Variants in FANCI observed in about 807,000 individuals in gnomAD.
FANCI encodes the protein Fanconi anemia group I protein.
Under a neutral mutation model 176.1 loss-of-function variants are expected in FANCI, and 156 were observed. That is an observed-to-expected ratio of 0.89 (90% confidence interval 0.78 to 1.01). The LOEUF (loss-of-function observed/expected upper bound fraction) is 1.01, where lower values mean the gene tolerates loss of function less well. Ranked by LOEUF, FANCI falls within the 50% of genes least tolerant of loss-of-function variation. The pLI is 0.00. For synonymous variants in FANCI, 613 were observed against 541.7 expected, an observed-to-expected ratio of 1.13 and a Z score of -1.83; for missense variants, 1,678 against 1,534.1, an observed-to-expected ratio of 1.09 and a Z score of -1.57.
At chr15:89,244,717 A>G (rs1369919699) in intron 1 of FANCI, among the ~76,000 whole-genome samples, 1 of 152,198 alleles carries the variant, frequency 6.6e-6, no homozygotes, top group Admixed American at 6.5e-5. Flanking sequence ...GGAGCTGGAC[A>G]GACTCGGGTT....
intron 34 of FANCI, among the ~76,000 whole-genome samples, chr15:89,309,346 C>G (rs1401554810): frequency 6.6e-6 from 1 of 151,782 alleles, no homozygotes; most frequent in Non-Finnish European, 1.5e-5. Context: ...ACACATTTCA[C>G]AAAATATGCT....
At chr15:89,290,968 T>G (rs538565873) in intron 19 of FANCI, among the ~76,000 whole-genome samples, 5 of 152,352 alleles carry the variant, frequency 3.3e-5, no homozygotes, top group African/African-American at 1.2e-4. Flanking sequence ...GTCAGCTATA[T>G]TGTATCTTTC....
Position 89,283,230 on chromosome 15 carries a change from C to T in FANCI, c.1678C>T (p.Gln560Ter). Reference sequence around the variant, plus strand: ...CAGCCTGTCATCCTCTCAGTGCAGTCAGTCTCTCAGTGTCAGTCAGGTAAG... The same window carrying T: ...CAGCCTGTCATCCTCTCAGTGCAGTTAGTCTCTCAGTGTCAGTCAGGTAAG... ...LGSLSSSQCS[Q>*]SLSVSQVHVD... Residue 560 changes from glutamine to a stop codon, truncating the protein, a stop_gained, in exon 17 of 38, where the codon CAG (glutamine) becomes TAG (stop). Transcript: ENST00000310775. LOFTEE classifies it high-confidence loss of function. The T allele has an allele frequency of 6.2e-7, 1 of 1,613,882 alleles. No individual in the cohort carries two copies. The highest frequency in any genetic ancestry group is 8.5e-7 in the Non-Finnish European group (1 of 1,179,752).
chr15:89,257,254 G>A (rs1170164389), intron 2 of FANCI, among the ~76,000 whole-genome samples: 1 of 152,032 alleles, frequency 6.6e-6, no homozygotes, highest in East Asian at 1.9e-4. Flanking sequence ...CCAAACTAAG[G>A]AATTTCTATT....
At chr15:89,246,582 A>T (rs1215450098) in intron 1 of FANCI, among the ~76,000 whole-genome samples, 2 of 151,996 alleles carry the variant, frequency 1.3e-5, no homozygotes, top group Non-Finnish European at 2.9e-5. Flanking sequence ...TCCCGTATGA[A>T]TGCCTTTGTT....
chr15:89,310,667 A>T (rs1402150827), intron 34 of FANCI, among the ~76,000 whole-genome samples: 1 of 152,266 alleles, frequency 6.6e-6, no homozygotes, highest in African/African-American at 2.4e-5. Context: ...TCCAGCTCTT[A>T]ACTAGAAATG....
chr15:89,279,252 G>A (rs149488156), intron 14 of FANCI, among the ~76,000 whole-genome samples: 1,527 of 152,154 alleles, frequency 0.01, 34 homozygotes, highest in African/African-American at 0.035. Context: ...CTGCCTCCTG[G>A]GTTCACGCAG....
At chr15:89,294,299 G>C (rs2151745870) in intron 23 of FANCI, among the ~76,000 whole-genome samples, 1 of 152,204 alleles carries the variant, frequency 6.6e-6, no homozygotes, top group East Asian at 1.9e-4. Flanking sequence ...AAAAAGGTAG[G>C]GGGTGCCAGG....
intron 10 of FANCI, among the ~76,000 whole-genome samples, chr15:89,269,142 A>G (rs2053099744): frequency 1.3e-5 from 2 of 152,194 alleles, no homozygotes; most frequent in Admixed American, 1.3e-4. Flanking sequence ...ACCTAGATTG[A>G]CCAATTATTA....
At chr15:89,249,825 CTAAA>C (rs1192185771) in intron 2 of FANCI, among the ~76,000 whole-genome samples, 2 of 151,956 alleles carry the variant, frequency 1.3e-5, no homozygotes, top group African/African-American at 2.4e-5. Flanking sequence ...CTGAGGATAA[CTAAA>C]TAAAGCACAG....
At chr15:89,285,279 AT>A (rs2053770335) in intron 18 of FANCI, 61 bp downstream of exon 18, 4 of 1,593,018 alleles carry the variant, frequency 2.5e-6, no homozygotes, top group Non-Finnish European at 2.6e-6. Flanking sequence ...TATTTTAGTA[AT>A]TTTTTTCCTG....
intron 1 of FANCI, chr15:89,245,162 C>CTTTTG (rs1247461358): frequency 3.4e-5 from 4 of 119,232 alleles, no homozygotes; most frequent in African/African-American, 1.7e-4. Context: ...CTGAGCTTTT[C>CTTTTG]TTTTCTTTTC....
intron 37 of FANCI, 88 bp from the exon 38 acceptor site, chr15:89,316,309 A>AAGAT (rs1444126104): frequency 4.4e-5 from 58 of 1,308,018 alleles, no homozygotes; most frequent in East Asian, 2.5e-4. Flanking sequence ...CTTTGATGAG[A>AAGAT]AGATAGAGTC....
chr15:89,257,096 C>CG (rs371848925), intron 2 of FANCI, among the ~76,000 whole-genome samples: 8 of 152,122 alleles, frequency 5.3e-5, no homozygotes, highest in South Asian at 2.1e-4. Context: ...TTAGTAGAGA[C>CG]GGGGTTTCAC....
intron 24 of FANCI, among the ~76,000 whole-genome samples, chr15:89,299,425 C>G (rs2151832984): frequency 6.6e-6 from 1 of 152,290 alleles, no homozygotes; most frequent in South Asian, 2.1e-4. Flanking sequence ...TGATACCAAA[C>G]CAGACCCAGA....
intron 18 of FANCI, among the ~76,000 whole-genome samples, chr15:89,286,244 C>T (rs978287757): frequency 6.6e-6 from 1 of 152,304 alleles, no homozygotes; most frequent in Admixed American, 6.5e-5. Context: ...CCACCTGTCT[C>T]GGCATCCCAA....
At chr15:89,282,085 A>G (rs2053636011) in intron 16 of FANCI, 1 of 469,464 alleles carries the variant, frequency 2.1e-6, no homozygotes, top group Admixed American at 3.3e-5. Context: ...TTAGGCTTAG[A>G]GAAGATGAGT....
rs1355701697 is a variant in FANCI at position 89,306,007 on chromosome 15, A to T, written c.3350A>T (p.Glu1117Val). The change falls in exon 32 of 38, where the codon GAA becomes GTA. Residue 1117 changes from glutamate (E) to valine (V), a missense_variant and splice_region_variant. Physicochemically the swap from Glu to Val is moderately radical, Grantham distance 121 (BLOSUM62 -2). This residue lies in a region of FANCI where 1,204 missense variants were observed against 1,077.4 expected (regional missense o/e 1.12). Coordinates refer to ENST00000310775, the MANE Select transcript of FANCI (RefSeq NM_001113378.2). Reference protein sequence around the residue: ...KGQVSQETLSEEASSQATLPN... With the variant: ...KGQVSQETLSVEASSQATLPN... The stretch of plus-strand genomic sequence containing the variant: ...ATGTGCCAATTTTATTTCCCTTTAG[A>T]AGAGGCCTCTTCTCAGGCAACCCTA... 6.2e-7 allele frequency: 1 copy of T among 1,614,176 alleles called. No homozygotes were observed. Among genetic ancestry groups the T allele is most frequent in the South Asian group, 1.1e-5 (1 of 91,084 alleles).
chr15:89,304,542 T>C (rs547052179), intron 28 of FANCI, among the ~76,000 whole-genome samples: 1 of 152,354 alleles, frequency 6.6e-6, no homozygotes, highest in South Asian at 2.1e-4. Context: ...ATACTCGTAA[T>C]GTACTTGATC....
Sources: gnomAD v4.1 joint callset for allele counts (sites outside exome capture counted in the v4.1 genomes callset) on GRCh38, gnomAD v4.1.1 for gene constraint, gnomAD v4.1.1 regional missense constraint, MANE v1.5 for transcripts, NCBI Gene and HGNC (gene_info 2026-07-23, HGNC 2026-07-21) for gene names.